Variants in RDH12 observed in about 807,000 individuals in gnomAD.
RDH12 encodes all-trans and 9-cis retinol dehydrogenase.
In RDH12, 21 loss-of-function variants were observed where a neutral mutation model predicts 34.0. The observed-to-expected ratio is 0.62, with a 90% CI of 0.44 to 0.89. RDH12 has a LOEUF of 0.89. Among genes scored for constraint, RDH12 ranks in the 40% least tolerant of loss-of-function variants. The probability of loss-of-function intolerance (pLI) is 0.00; values close to 1 mark genes in which losing one functional copy is unlikely to be tolerated. For synonymous variants in RDH12, 198 were observed against 169.9 expected (o/e 1.17, Z -1.29); for missense variants, 394 against 398.6 (o/e 0.99, Z 0.10).
rs531742304 is a variant in RDH12, at chr14:67,718,503, C to A, written c.-274-2345C>A. On this transcript the variant is annotated intron_variant, in intron 1 of 8. Transcript: ENST00000551171. ...TGCTTCATAGCATGTGATCTCCACA[C>A]ATCCCTGCCTCAGTGTTAGCCCTGG... Among the ~76,000 whole-genome samples the A allele has an allele frequency of 2.0e-5, 3 of 152,338 alleles. No individual in the cohort carries two copies. The East Asian group carries it at 5.8e-4, about 29-fold the overall frequency.
intron 1 of RDH12, among the ~76,000 whole-genome samples, chr14:67,712,482 G>GA (rs1405639116): frequency 3.9e-4 from 4 of 10,172 alleles, no homozygotes; most frequent in Non-Finnish European, 1.7e-3. Flanking sequence ...CAACTGAGAA[G>GA]AAAAAACTTG....
In RDH12 at chr14:67,720,897, G is replaced by T. The variant is rs1297423248; in HGVS notation, c.-225G>T. 1 of 152,218 alleles carries T rather than the reference G, an allele frequency of 6.6e-6. No individual in the cohort carries two copies. The highest frequency in any genetic ancestry group is 2.4e-5 in the African/African-American group (1 of 41,446). 9.4% of individuals were successfully genotyped at this position (152,218 alleles called of 1,614,324 possible). On this transcript the variant is annotated 5_prime_UTR_variant, in exon 2 of 9. Transcript: ENST00000551171. ...CTCTCTGCTTCCTGGACAAGCTCAA[G>T]CTAAGGTGAGTACCATCTTCTTAAA...
At chr14:67,724,178 T>G (rs2038157607) in intron 3 of RDH12, among the ~76,000 whole-genome samples, 1 of 152,238 alleles carries the variant, frequency 6.6e-6, no homozygotes, top group Admixed American at 6.5e-5. Context: ...GATGTATTTA[T>G]TATCTAACAA....
chr14:67,707,440 A>T (rs1374403782), intron 1 of RDH12, among the ~76,000 whole-genome samples: 5 of 152,028 alleles, frequency 3.3e-5, no homozygotes, highest in South Asian at 2.1e-4. Context: ...ATATATATAT[A>T]TTTTTTGAGA....
intron 7 of RDH12, chr14:67,728,302 T>C (rs1011212901): frequency 2.0e-5 from 3 of 152,284 alleles, no homozygotes; most frequent in Non-Finnish European, 4.4e-5. Context: ...TGCCATGTAC[T>C]ACACATCTTA....
chr14:67,712,112 G>T (rs1473101790), intron 1 of RDH12, among the ~76,000 whole-genome samples: 1 of 152,008 alleles, frequency 6.6e-6, no homozygotes. Flanking sequence ...TAGAGACACG[G>T]TTTCACCATG....
chr14:67,703,778 T>C (rs1341015085), intron 1 of RDH12, among the ~76,000 whole-genome samples: 1 of 152,038 alleles, frequency 6.6e-6, no homozygotes, highest in Non-Finnish European at 1.5e-5. Context: ...TGGTCTCAAG[T>C]GATCCCCCAA....
intron 1 of RDH12, among the ~76,000 whole-genome samples, chr14:67,707,396 C>G (rs1594858668): frequency 6.6e-6 from 1 of 152,114 alleles, no homozygotes; most frequent in Non-Finnish European, 1.5e-5. Context: ...CTTTATTATA[C>G]TTGGCCTAAT....
intron 8 of RDH12, among the ~76,000 whole-genome samples, chr14:67,730,908 G>A (rs1385967399): frequency 6.6e-6 from 1 of 151,910 alleles, no homozygotes; most frequent in Non-Finnish European, 1.5e-5. Context: ...CCAGCCCCAA[G>A]CATTTCTGAT....
At chr14:67,720,197 A>G (rs1473281764) in intron 1 of RDH12, among the ~76,000 whole-genome samples, 1 of 152,152 alleles carries the variant, frequency 6.6e-6, no homozygotes, top group African/African-American at 2.4e-5. Context: ...AGCCACTTGT[A>G]TTTCCTTTTT....
chr14:67,702,800 A>C (rs2037913271), intron 1 of RDH12, among the ~76,000 whole-genome samples: 1 of 152,048 alleles, frequency 6.6e-6, no homozygotes, highest in South Asian at 2.1e-4. Flanking sequence ...ACAAATAGAG[A>C]TCTTATACCT....
At chr14:67,708,781 C>A (rs1301450885) in intron 1 of RDH12, among the ~76,000 whole-genome samples, 1 of 150,130 alleles carries the variant, frequency 6.7e-6, no homozygotes, top group Non-Finnish European at 1.5e-5. Flanking sequence ...TCTAGGGAAC[C>A]TATTAATAAT....
chr14:67,732,167 C>A (rs903538203), intron 8 of RDH12, among the ~76,000 whole-genome samples: 1 of 146,332 alleles, frequency 6.8e-6, no homozygotes, highest in Non-Finnish European at 1.5e-5. Context: ...CTGGGTGTGG[C>A]GGCTCATGCC....
intron 1 of RDH12, among the ~76,000 whole-genome samples, chr14:67,710,874 C>A (rs1343758785): frequency 6.6e-6 from 1 of 151,716 alleles, no homozygotes; most frequent in Non-Finnish European, 1.5e-5. Flanking sequence ...TTACATTTAC[C>A]TAATTATTTT....
chr14:67,729,919 C>T (rs718212), intron 8 of RDH12: 228,452 of 418,326 alleles, frequency 0.55, 65,024 homozygotes, highest in Non-Finnish European at 0.62. Context: ...GGTGAAATCT[C>T]TTTCCCATTC....
rs910668710 is a variant in RDH12, at chr14:67,734,427, G to A, written c.*579G>A. 2 of 154,808 alleles carry A rather than the reference G, an allele frequency of 1.3e-5. No individual in the cohort carries two copies. The highest frequency in any genetic ancestry group is 4.8e-5 in the African/African-American group (2 of 41,416). 9.6% of individuals were successfully genotyped at this position (154,808 alleles called of 1,614,324 possible). ...TTCCGTTTGCCTTTCAATTTTTAGAGAAAATAAAGACTGCATTCATCTCAT... is the reference window on the plus strand; with the variant it reads ...TTCCGTTTGCCTTTCAATTTTTAGAAAAAATAAAGACTGCATTCATCTCAT... On this transcript the variant is annotated 3_prime_UTR_variant, in exon 9 of 9. Coordinates refer to ENST00000551171, the MANE Select transcript of RDH12 (RefSeq NM_152443.3).
intron 1 of RDH12, among the ~76,000 whole-genome samples, chr14:67,703,939 A>G (rs187557252): frequency 1.6e-4 from 24 of 152,246 alleles, no homozygotes; most frequent in Admixed American, 5.9e-4. Flanking sequence ...CAGCATCCCA[A>G]AGTGCTGGGA....
chr14:67,729,581 CTTTA>C (rs2038240758), intron 8 of RDH12: 4 of 648,644 alleles, frequency 6.2e-6, no homozygotes, highest in Non-Finnish European at 1.1e-5. Context: ...GCTTTTCTGG[CTTTA>C]TTTTATACTC....
chr14:67,723,019 G>A (rs7149221), intron 3 of RDH12, among the ~76,000 whole-genome samples: 24 of 151,972 alleles, frequency 1.6e-4, no homozygotes, highest in Admixed American at 7.9e-4. Context: ...GAGTCCTTGC[G>A]TTTTCATTTT....
Sources: allele counts gnomAD v4.1 joint callset (sites outside exome capture counted in the v4.1 genomes callset), GRCh38; gene constraint gnomAD v4.1.1; transcripts MANE v1.5; gene names NCBI Gene and HGNC (gene_info 2026-07-23, HGNC 2026-07-21).